Variants in MPZL1 observed in about 807,000 individuals in gnomAD.
MPZL1 encodes myelin protein zero-like protein 1.
MPZL1 carries 16 observed loss-of-function variants against 29.3 expected under a neutral mutation model. The observed-to-expected ratio is 0.55, with a 90% confidence interval of 0.37 to 0.83. The LOEUF (loss-of-function observed/expected upper bound fraction) is 0.83, where lower values mean the gene tolerates loss of function less well. Ranked by LOEUF, MPZL1 falls within the 40% of genes least tolerant of loss-of-function variation. The pLI is 0.00. For missense variants in MPZL1, 279 were observed against 332.9 expected (o/e 0.84, Z 1.26); for synonymous variants, 143 against 132.0 (o/e 1.08, Z -0.57).
intron 1 of MPZL1, among the ~76,000 whole-genome samples, chr1:167,745,674 A>G (rs956997661): frequency 6.6e-6 from 1 of 152,086 alleles, no homozygotes; most frequent in Admixed American, 6.6e-5. Flanking sequence ...CAAACTTAAT[A>G]AATAGGACTC....
At chr1:167,744,550 C>T (rs772978475) in intron 1 of MPZL1, among the ~76,000 whole-genome samples, 2 of 151,704 alleles carry the variant, frequency 1.3e-5, no homozygotes, top group African/African-American at 2.4e-5. Context: ...GGGCCATGGT[C>T]GTGTGCGTCT....
At chr1:167,744,021 C>T (rs989465112) in intron 1 of MPZL1, among the ~76,000 whole-genome samples, 20 of 152,020 alleles carry the variant, frequency 1.3e-4, no homozygotes, top group African/African-American at 4.6e-4. Context: ...TTTCCCTATT[C>T]ATTATTATGT....
At chr1:167,725,294 T>TC (rs1365612843) in intron 1 of MPZL1, among the ~76,000 whole-genome samples, 1 of 152,096 alleles carries the variant, frequency 6.6e-6, no homozygotes, top group Admixed American at 6.6e-5. Context: ...TTCCTCTTTT[T>TC]CCCCCTCTGG....
At chr1:167,745,959 A>G (rs546010958) in intron 1 of MPZL1, among the ~76,000 whole-genome samples, 1 of 152,276 alleles carries the variant, frequency 6.6e-6, no homozygotes, top group Non-Finnish European at 1.5e-5. Flanking sequence ...AGTCATAGCC[A>G]GCATTTTTAT....
At position 167,765,635 on chromosome 1, in the gene MPZL1, G is replaced by T; in HGVS notation, c.144G>T (p.Val48=). The change falls in exon 2 of 6, where the codon GTG becomes GTT. Residue 48 remains valine (V), a synonymous_variant. Transcript: ENST00000359523. The part of the protein sequence containing the change: ...LEVYTPKEIF[V]ANGTQGKLTC... ...TATATACGCCAAAAGAAATCTTCGTGGCAAATGGTACACAAGGGAAGCTGA... is the reference window on the plus strand; with the variant it reads ...TATATACGCCAAAAGAAATCTTCGTTGCAAATGGTACACAAGGGAAGCTGA... 1 of 1,613,004 alleles carries T rather than the reference G, an allele frequency of 6.2e-7. No individual in the cohort carries two copies. Among genetic ancestry groups the T allele is most frequent in the East Asian group, 2.2e-5 (1 of 44,814 alleles).
chr1:167,760,773 G>GTGTA (rs1449203834), intron 1 of MPZL1, among the ~76,000 whole-genome samples: 1 of 138,118 alleles, frequency 7.2e-6, no homozygotes, highest in East Asian at 2.1e-4. Context: ...GTGTGTGTGT[G>GTGTA]TGTGTGTGTG....
chr1:167,722,288 CG>C, intron 1 of MPZL1, 46 bp downstream of exon 1: 1 of 1,232,936 alleles, frequency 8.1e-7, no homozygotes, highest in Non-Finnish European at 1.0e-6. Flanking sequence ...GTGGGGCCCC[CG>C]GGCCCGACAC....
intron 5 of MPZL1, among the ~76,000 whole-genome samples, chr1:167,777,701 C>CTCT (rs1401877170): frequency 1.3e-4 from 20 of 152,300 alleles, no homozygotes; most frequent in African/African-American, 4.8e-4. Context: ...GGAAGAACTA[C>CTCT]CTGAAATGCA....
In MPZL1 at chr1:167,788,220, C is replaced by G. The variant is rs1018230308; in HGVS notation, c.*299C>G. 3.4e-6 allele frequency: 1 copy of G among 292,022 alleles called. No individual in the cohort carries two copies. 18.1% of individuals were successfully genotyped at this position (292,022 alleles called of 1,614,324 possible). On this transcript the variant is annotated 3_prime_UTR_variant, in exon 6 of 6. Coordinates refer to ENST00000359523, the MANE Select transcript of MPZL1 (RefSeq NM_003953.6). ...ATTTACAATTGGGAGATTTCAGAAA[C>G]ATTCCTTTCACCATCATTTAGAAAT...
rs566382423 is a variant in MPZL1 at position 167,735,451 on chromosome 1, C to T, written c.91+13209C>T. ...GCTCCTTTAGAGCCACTCTTAAAAC[C>T]AAAATTAGGGTTCTCCAGAGAAACA... On this transcript the variant is annotated intron_variant, in intron 1 of 5. Transcript: ENST00000359523. 5.9e-5 allele frequency among the ~76,000 whole-genome samples: 9 copies of T among 152,174 alleles called. No individual in the cohort carries two copies. In the South Asian group the frequency reaches 1.9e-3, roughly 32 times the overall value.
At chr1:167,767,613 G>A (rs1392069944) in intron 2 of MPZL1, among the ~76,000 whole-genome samples, 2 of 152,056 alleles carry the variant, frequency 1.3e-5, no homozygotes, top group African/African-American at 4.8e-5. Flanking sequence ...CAAAATGTCG[G>A]GACACATTTA....
chr1:167,772,258 CT>C lies in MPZL1; in HGVS notation c.259-11del, dbSNP rs1441224876. On this transcript the variant is annotated splice_polypyrimidine_tract_variant and intron_variant, in intron 2 of 5. Coordinates refer to ENST00000359523, the MANE Select transcript of MPZL1 (RefSeq NM_003953.6). ...GCCTTTGAGAATAGTTCATGTGTTC[CT>C]TTTTTCTAATTGCAGTTTTTCCACT... The C allele has an allele frequency of 6.3e-7, 1 of 1,593,358 alleles. No individual in the cohort carries two copies.
intron 1 of MPZL1, among the ~76,000 whole-genome samples, chr1:167,752,120 A>G (rs1660772309): frequency 6.6e-6 from 1 of 152,216 alleles, no homozygotes. Context: ...ATTCATCTTC[A>G]TAATTCATCT....
intron 5 of MPZL1, among the ~76,000 whole-genome samples, chr1:167,777,996 T>C (rs1246242370): frequency 6.6e-6 from 1 of 152,168 alleles, no homozygotes; most frequent in Non-Finnish European, 1.5e-5. Context: ...CACCCAACAA[T>C]GTACAATTTA....
chr1:167,733,656 A>G (rs1470626762), intron 1 of MPZL1, among the ~76,000 whole-genome samples: 1 of 152,008 alleles, frequency 6.6e-6, no homozygotes, highest in African/African-American at 2.4e-5. Flanking sequence ...GAGGCACAAG[A>G]ATCGCTTGAA....
chr1:167,781,072 T>G (rs1431791360), intron 5 of MPZL1, among the ~76,000 whole-genome samples: 1 of 152,098 alleles, frequency 6.6e-6, no homozygotes, highest in African/African-American at 2.4e-5. Context: ...TCCTAAATAT[T>G]TATACTTCTA....
At chr1:167,784,418 G>A (rs1661552669) in intron 5 of MPZL1, among the ~76,000 whole-genome samples, 1 of 152,142 alleles carries the variant, frequency 6.6e-6, no homozygotes, top group African/African-American at 2.4e-5. Context: ...AAAACAGCTA[G>A]GTTAATGTAG....
In MPZL1 at chr1:167,736,712, A is replaced by G. The variant is rs559973477; in HGVS notation, c.91+14470A>G. Among the ~76,000 whole-genome samples the G allele has an allele frequency of 3.9e-5, 6 of 152,246 alleles. No homozygotes were observed. The South Asian group carries it at 6.2e-4, about 16-fold the overall frequency. ...TTTCCATTGTCCCAGGACAAATGCCAGTCATTTTAAGTTCATGTTACTGCA... is the reference window on the plus strand; with the variant it reads ...TTTCCATTGTCCCAGGACAAATGCCGGTCATTTTAAGTTCATGTTACTGCA... On this transcript the variant is annotated intron_variant, in intron 1 of 5. Coordinates refer to ENST00000359523, the MANE Select transcript of MPZL1 (RefSeq NM_003953.6).
chr1:167,731,727 C>T (rs543860303), intron 1 of MPZL1, among the ~76,000 whole-genome samples: 1 of 151,318 alleles, frequency 6.6e-6, no homozygotes, highest in Non-Finnish European at 1.5e-5. Flanking sequence ...CGTGAGCCAC[C>T]GCACCCAGCC....
Sources: allele counts gnomAD v4.1 joint callset (sites outside exome capture counted in the v4.1 genomes callset), GRCh38; gene constraint gnomAD v4.1.1; transcripts MANE v1.5; gene names NCBI Gene and HGNC (gene_info 2026-07-23, HGNC 2026-07-21).